Variants in SCAPER observed in about 807,000 individuals in gnomAD.
SCAPER encodes the protein S phase cyclin A-associated protein in the endoplasmic reticulum.
In SCAPER, 98 loss-of-function variants were observed where a neutral mutation model predicts 182.2. That is an observed-to-expected ratio of 0.54 (90% confidence interval 0.46 to 0.64). The LOEUF (loss-of-function observed/expected upper bound fraction) is 0.64, where lower values mean the gene tolerates loss of function less well. Ranked by LOEUF, SCAPER falls within the 30% of genes least tolerant of loss-of-function variation. The pLI is 0.00. For synonymous variants in SCAPER, 605 were observed against 564.6 expected, an observed-to-expected ratio of 1.07 and a Z score of -1.01; for missense variants, 1,432 against 1,690.0, an observed-to-expected ratio of 0.85 and a Z score of 2.68.
At chr15:76,795,569 G>A (rs1012349626) in intron 7 of SCAPER, 129 bp from the exon 8 acceptor site, 8 of 574,450 alleles carry the variant, frequency 1.4e-5, no homozygotes, top group African/African-American at 3.9e-5. Context: ...AATCTGCCAC[G>A]GCAATTTAAG....
chr15:76,491,329 G>A (rs2052283711), intron 24 of SCAPER, among the ~76,000 whole-genome samples: 1 of 152,162 alleles, frequency 6.6e-6, no homozygotes, highest in South Asian at 2.1e-4. Flanking sequence ...ATGTACCACA[G>A]TTTGTTTATT....
At chr15:76,392,052 G>T (rs1159089395) in intron 27 of SCAPER, among the ~76,000 whole-genome samples, 1 of 152,122 alleles carries the variant, frequency 6.6e-6, no homozygotes, top group Non-Finnish European at 1.5e-5. Context: ...GCCAACTTTG[G>T]GTGAAAGCCA....
At chr15:76,384,352 G>A (rs192903545) in intron 27 of SCAPER, among the ~76,000 whole-genome samples, 2 of 152,266 alleles carry the variant, frequency 1.3e-5, no homozygotes, top group Admixed American at 1.3e-4. Flanking sequence ...CAGGAATATA[G>A]CTTTTTCACT....
At chr15:76,618,840 T>A (rs948983640) in intron 22 of SCAPER, among the ~76,000 whole-genome samples, 2 of 152,218 alleles carry the variant, frequency 1.3e-5, no homozygotes, top group Non-Finnish European at 2.9e-5. Flanking sequence ...AAATTCTCCT[T>A]AAATGGCCTT....
At chr15:76,876,923 A>C (rs1285054255) in intron 2 of SCAPER, among the ~76,000 whole-genome samples, 2 of 152,246 alleles carry the variant, frequency 1.3e-5, no homozygotes, top group Non-Finnish European at 2.9e-5. Flanking sequence ...AGAAATGCTC[A>C]AAGAATAATA....
At chr15:76,724,112 G>A (rs1292132363) in intron 17 of SCAPER, among the ~76,000 whole-genome samples, 1 of 151,018 alleles carries the variant, frequency 6.6e-6, no homozygotes, top group African/African-American at 2.4e-5. Flanking sequence ...TTTTAGGGCA[G>A]GCCTGGTAGT....
chr15:76,901,139 A>C (rs1201337304), intron 1 of SCAPER, among the ~76,000 whole-genome samples: 1 of 152,194 alleles, frequency 6.6e-6, no homozygotes, highest in Non-Finnish European at 1.5e-5. Context: ...CTGAGGCAGG[A>C]GAATCGCTGG....
At chr15:76,436,015 C>A (rs2047175216) in intron 25 of SCAPER, among the ~76,000 whole-genome samples, 1 of 152,054 alleles carries the variant, frequency 6.6e-6, no homozygotes, top group Non-Finnish European at 1.5e-5. Context: ...AAATTTCTTG[C>A]ATTATTTCTT....
intron 15 of SCAPER, among the ~76,000 whole-genome samples, chr15:76,741,500 G>A (rs980804304): frequency 2.6e-5 from 4 of 152,040 alleles, no homozygotes; most frequent in Non-Finnish European, 5.9e-5. Context: ...GAGGGAGGAG[G>A]AACAAAAGGG....
intron 26 of SCAPER, among the ~76,000 whole-genome samples, chr15:76,412,420 T>C (rs1307586540): frequency 6.6e-6 from 1 of 152,124 alleles, no homozygotes; most frequent in Admixed American, 6.5e-5. Flanking sequence ...AGGCTGTACA[T>C]GTGTGTGGCC....
chr15:76,445,562 G>T (rs1310108732), intron 25 of SCAPER, among the ~76,000 whole-genome samples: 1 of 152,142 alleles, frequency 6.6e-6, no homozygotes, highest in Non-Finnish European at 1.5e-5. Context: ...AGGAATTCAG[G>T]CTTCTGAGTT....
rs571838126 is a variant in SCAPER, at chr15:76,354,070, C to T, written c.3926G>A (p.Ser1309Asn). ...CAGTACTTTGATCAGCCGTGGGTCA[C>T]TGAAATACTGGAAGGGCAACTGGCA... ...KLCQLPFQYF[S>N]DPRLIKVLFP... Residue 1309 changes from serine (S) to asparagine (N), a missense_variant, in exon 30 of 32, where the codon AGT becomes AAT. Coordinates refer to ENST00000563290, the MANE Select transcript of SCAPER (RefSeq NM_020843.4). This position sits in a 1 kb window ranked among gnomAD's most constrained non-coding sequence, Gnocchi z 4.4. The T allele has an allele frequency of 6.2e-7, 1 of 1,610,996 alleles. No homozygotes were observed. Among genetic ancestry groups the T allele is most frequent in the Non-Finnish European group, 8.5e-7 (1 of 1,178,984 alleles).
intron 22 of SCAPER, among the ~76,000 whole-genome samples, chr15:76,621,299 C>G (rs1445020543): frequency 2.0e-5 from 3 of 152,188 alleles, no homozygotes; most frequent in South Asian, 4.1e-4. Flanking sequence ...AAATTCTCAT[C>G]TAAAATCTCA....
At chr15:76,694,964 A>G (rs2058575072) in intron 20 of SCAPER, among the ~76,000 whole-genome samples, 3 of 152,152 alleles carry the variant, frequency 2.0e-5, no homozygotes, top group Non-Finnish European at 4.4e-5. Flanking sequence ...GATGGAGAAA[A>G]AGTTCAACAC....
Position 76,434,100 on chromosome 15 carries a change from T to C in SCAPER, c.3289A>G (p.Asn1097Asp). The change falls in exon 26 of 32, where the codon AAT becomes GAT. Residue 1097 changes from asparagine to aspartate, a missense_variant. Transcript: ENST00000563290. Reference sequence around the variant, plus strand: ...TACCTGATAAGGTCCTGAACTCGATTGTTAAAAGGATCACCTTGTGAGGGT... The same window carrying C: ...TACCTGATAAGGTCCTGAACTCGATCGTTAAAAGGATCACCTTGTGAGGGT... ...NKPSQGDPFN[N>D]RVQDLISYVV... 1 of 1,613,884 alleles carries C rather than the reference T, an allele frequency of 6.2e-7. No individual in the cohort carries two copies. The highest frequency in any genetic ancestry group is 8.5e-7 in the Non-Finnish European group (1 of 1,179,814).
At chr15:76,827,722 T>C (rs2068127301) in intron 5 of SCAPER, among the ~76,000 whole-genome samples, 1 of 152,024 alleles carries the variant, frequency 6.6e-6, no homozygotes, top group African/African-American at 2.4e-5. Flanking sequence ...CAACAAAATA[T>C]AGAACACAGG....
At chr15:76,446,474 A>G (rs578243816) in intron 25 of SCAPER, among the ~76,000 whole-genome samples, 47 of 152,358 alleles carry the variant, frequency 3.1e-4, no homozygotes, top group Admixed American at 9.2e-4. Context: ...AAAGCTGCAC[A>G]AGAACCTGGG....
chr15:76,681,663 T>C (rs1192375376), intron 20 of SCAPER, among the ~76,000 whole-genome samples: 2 of 152,138 alleles, frequency 1.3e-5, no homozygotes, highest in East Asian at 3.9e-4. Flanking sequence ...CACCCAAAAA[T>C]TCTGGGGAAG....
At chr15:76,787,388 T>C (rs1165092591) in intron 8 of SCAPER, among the ~76,000 whole-genome samples, 1 of 152,146 alleles carries the variant, frequency 6.6e-6, no homozygotes, top group East Asian at 1.9e-4. Context: ...AATTTTTCTT[T>C]TATTTATTTA....
Sources: gnomAD v4.1 joint callset for allele counts (sites outside exome capture counted in the v4.1 genomes callset) on GRCh38, gnomAD v4.1.1 for gene constraint, Gnocchi (gnomAD v3.1) non-coding constraint, MANE v1.5 for transcripts, NCBI Gene and HGNC (gene_info 2026-07-23, HGNC 2026-07-21) for gene names.